The following EPHB1 variants were observed in gnomAD, a reference collection of about 807,000 sequenced individuals.
EPHB1 encodes the protein EPH receptor B1.
EPHB1 carries 30 observed loss-of-function variants against 94.4 expected under a neutral mutation model. The observed-to-expected ratio is 0.32, with a 90% CI of 0.24 to 0.43. The LOEUF is 0.43. EPHB1 is among the 20% of genes least tolerant of loss of function. EPHB1 has a pLI of 1.00. For synonymous variants in EPHB1, 522 were observed against 489.1 expected, an observed-to-expected ratio of 1.07 and a Z score of -0.89; for missense variants, 1,055 against 1,308.3, an observed-to-expected ratio of 0.81 and a Z score of 2.99.
chr3:135,082,364 C>A (rs139730199), intron 3 of EPHB1, among the ~76,000 whole-genome samples: 3 of 152,142 alleles, frequency 2.0e-5, no homozygotes, highest in Admixed American at 2.0e-4. Context: ...ATGATGATGA[C>A]GATGATAACG....
intron 3 of EPHB1, among the ~76,000 whole-genome samples, chr3:135,062,428 T>A (rs1167411718): frequency 2.0e-5 from 3 of 152,242 alleles, no homozygotes; most frequent in African/African-American, 7.2e-5. Context: ...TGATTTGCAT[T>A]TCCCTGATCA....
rs753407361 is a variant in EPHB1, at chr3:135,132,920, C to T, written c.1168C>T (p.Arg390Cys). ...VPRQLGLTEC[R>C]VSISSLWAHT... The stretch of plus-strand genomic sequence containing the variant: ...CAGGCAGCTGGGCCTGACGGAGTGC[C>T]GCGTCTCCATCAGCAGCCTGTGGGC... Residue 390 changes from arginine (R) to cysteine (C), a missense_variant, in exon 5 of 16, where the codon CGC (arginine) becomes TGC (cysteine). Arg to Cys is a radical substitution (Grantham distance 180). Transcript: ENST00000398015. 5.0e-6 allele frequency: 8 copies of T among 1,614,012 alleles called. No homozygotes were observed. The highest frequency in any genetic ancestry group is 4.5e-5 in the East Asian group (2 of 44,872).
chr3:134,795,346 G>C lies in EPHB1; in HGVS notation c.-286G>C. ...CACTCGCTCTCGCGCGCTCTCCCAG[G>C]CTCGTTCTCCCTCGCCCTCTCTCTC... On this transcript the variant is annotated 5_prime_UTR_variant, in exon 1 of 16. Coordinates refer to ENST00000398015, the MANE Select transcript of EPHB1 (RefSeq NM_004441.5). 2 of 494,586 alleles carry C rather than the reference G, an allele frequency of 4.0e-6. No individual in the cohort carries two copies. Among genetic ancestry groups the C allele is most frequent in the Non-Finnish European group, 7.1e-6 (2 of 282,108 alleles). 30.6% of individuals were successfully genotyped at this position (494,586 alleles called of 1,614,324 possible).
At chr3:135,027,882 A>G (rs1440617855) in intron 3 of EPHB1, among the ~76,000 whole-genome samples, 1 of 135,858 alleles carries the variant, frequency 7.4e-6, no homozygotes, top group Non-Finnish European at 1.6e-5. Context: ...TAAGGTATTG[A>G]TTATTGCCAC....
chr3:135,140,530 T>G (rs925032939), intron 5 of EPHB1, among the ~76,000 whole-genome samples: 8 of 152,262 alleles, frequency 5.3e-5, no homozygotes, highest in Non-Finnish European at 1.0e-4. Context: ...GGTGCAGCTT[T>G]AGCTGTCTCT....
chr3:134,919,666 T>C (rs2038640745), intron 1 of EPHB1, among the ~76,000 whole-genome samples: 1 of 152,170 alleles, frequency 6.6e-6, no homozygotes, highest in Non-Finnish European at 1.5e-5. Flanking sequence ...AGGGCTGGCC[T>C]GCCCAGCCAG....
rs77801413 is a variant in EPHB1 at position 135,058,716 on chromosome 3, C to T, written c.806-47732C>T. 4.0e-3 allele frequency among the ~76,000 whole-genome samples: 614 copies of T among 152,330 alleles called. 9 individuals are homozygous for T. The highest frequency in any genetic ancestry group is 0.037 in the East Asian group (190 of 5,180). On this transcript the variant is annotated intron_variant, in intron 3 of 15. Transcript: ENST00000398015. ...ACTGTTCCCTGCAGTACAGCTGGGG[C>T]CCAGTCAGAGCATCCTCTGCTCCAC...
chr3:135,178,921 A>G (rs182624455), intron 9 of EPHB1, among the ~76,000 whole-genome samples: 60 of 152,324 alleles, frequency 3.9e-4, no homozygotes, highest in African/African-American at 1.4e-3. Context: ...ACCACCCACC[A>G]CCATGTAAAC....
intron 10 of EPHB1, among the ~76,000 whole-genome samples, 179 bp downstream of exon 10, chr3:135,180,161 C>A (rs1942116061): frequency 6.6e-6 from 1 of 152,178 alleles, no homozygotes; most frequent in Admixed American, 6.5e-5. Flanking sequence ...GAGAAAACAT[C>A]ACTTGGGATC....
At chr3:134,885,035 G>T (rs1447400447) in intron 1 of EPHB1, among the ~76,000 whole-genome samples, 3 of 152,242 alleles carry the variant, frequency 2.0e-5, no homozygotes, top group Non-Finnish European at 2.9e-5. Flanking sequence ...AAGTGTTTTG[G>T]ATTCTAATGG....
intron 15 of EPHB1, among the ~76,000 whole-genome samples, chr3:135,251,708 C>T (rs1933106866): frequency 6.6e-6 from 1 of 152,202 alleles, no homozygotes; most frequent in Non-Finnish European, 1.5e-5. Flanking sequence ...TCTCAACCAG[C>T]AGCATCCCTT....
chr3:134,795,508 C>A lies in EPHB1; in HGVS notation c.-124C>A. On this transcript the variant is annotated 5_prime_UTR_variant, in exon 1 of 16. Transcript: ENST00000398015. Reference sequence around the variant, plus strand: ...ACGCAGCGCTCCGGGAAGTCCGGTCCGGGCGAGAGCGCGAAAGGATACCGA... The same window carrying A: ...ACGCAGCGCTCCGGGAAGTCCGGTCAGGGCGAGAGCGCGAAAGGATACCGA... The A allele has an allele frequency of 1.1e-6, 1 of 929,442 alleles. No individual in the cohort carries two copies. The highest frequency in any genetic ancestry group is 1.6e-6 in the Non-Finnish European group (1 of 627,704). 57.6% of individuals were successfully genotyped at this position (929,442 alleles called of 1,614,324 possible).
At chr3:135,250,064 A>C (rs2107732225) in intron 15 of EPHB1, among the ~76,000 whole-genome samples, 1 of 152,302 alleles carries the variant, frequency 6.6e-6, no homozygotes, top group African/African-American at 2.4e-5. Context: ...TTCCCCCAAG[A>C]ATGTTCTGAG....
At chr3:135,225,612 A>G (rs1943375563) in intron 12 of EPHB1, among the ~76,000 whole-genome samples, 1 of 152,198 alleles carries the variant, frequency 6.6e-6, no homozygotes, top group Non-Finnish European at 1.5e-5. Context: ...TCAAGATTCC[A>G]TAAAACTCTG....
chr3:135,154,046 G>C (rs1941279936), intron 5 of EPHB1, 106 bp from the exon 6 acceptor site: 1 of 1,467,470 alleles, frequency 6.8e-7, no homozygotes, highest in Admixed American at 1.8e-5. Context: ...AGAAGGAGCA[G>C]AGTTCAAGCC....
At chr3:135,174,708 G>A (rs907929828) in intron 9 of EPHB1, among the ~76,000 whole-genome samples, 1 of 152,198 alleles carries the variant, frequency 6.6e-6, no homozygotes, top group Non-Finnish European at 1.5e-5. Context: ...AAGATTGGAT[G>A]AAGTCCCTGT....
intron 3 of EPHB1, among the ~76,000 whole-genome samples, chr3:135,042,924 C>T (rs149186008): frequency 0.044 from 6,652 of 152,252 alleles, 478 homozygotes; most frequent in African/African-American, 0.15. Flanking sequence ...TCACTGCAAC[C>T]TCCACCTCCC....
chr3:135,122,504 G>T (rs1455388928), intron 4 of EPHB1, among the ~76,000 whole-genome samples: 1 of 152,128 alleles, frequency 6.6e-6, no homozygotes, highest in East Asian at 1.9e-4. Flanking sequence ...ACAGCTAGAA[G>T]ATTCAACCTT....
chr3:135,003,785 C>T (rs13098347), intron 3 of EPHB1, among the ~76,000 whole-genome samples: 8,040 of 133,506 alleles, frequency 0.06, 495 homozygotes, highest in African/African-American at 0.15. Flanking sequence ...TTGCAACCCC[C>T]GCCTTTTTTT....
Sources: gnomAD v4.1 joint callset for allele counts (sites outside exome capture counted in the v4.1 genomes callset) on GRCh38, gnomAD v4.1.1 for gene constraint, MANE v1.5 for transcripts, NCBI Gene and HGNC (gene_info 2026-07-23, HGNC 2026-07-21) for gene names.